OR6P1: variants seen among roughly 807,000 people sequenced by gnomAD.
The protein encoded by OR6P1 is olfactory receptor family 6 subfamily P member 1, also known as olfactory receptor 6P1.
OR6P1 carries 5 observed loss-of-function variants against 6.6 expected under a neutral mutation model. The observed-to-expected ratio is 0.76, with a 90% CI of 0.40 to 1.60. The LOEUF is 1.60. Ranked by LOEUF, OR6P1 falls within the 40% of genes most tolerant of loss-of-function variation. OR6P1 has a pLI of 0.02. For synonymous variants in OR6P1, 177 were observed against 149.6 expected (o/e 1.18, Z -1.33); for missense variants, 451 against 383.0 (o/e 1.18, Z -1.48).
At chr1:158,568,299 C>T (rs1648149759) in intron 1 of OR6P1, among the ~76,000 whole-genome samples, 1 of 152,140 alleles carries the variant, frequency 6.6e-6, no homozygotes, top group Non-Finnish European at 1.5e-5. Flanking sequence ...TTTGTTCTTT[C>T]TTTTTGTTTC....
chr1:158,565,023 G>A (rs1237223465), intron 2 of OR6P1, among the ~76,000 whole-genome samples: 1 of 152,134 alleles, frequency 6.6e-6, no homozygotes, highest in Admixed American at 6.6e-5. Flanking sequence ...CTTAAAAAAT[G>A]ATATACTAAT....
chr1:158,563,591 C>T lies in OR6P1; in HGVS notation c.14G>A (p.Ser5Asn), dbSNP rs187277536. The T allele has an allele frequency of 6.5e-7, 1 of 1,539,346 alleles. No individual in the cohort carries two copies. The highest frequency in any genetic ancestry group is 8.7e-7 in the Non-Finnish European group (1 of 1,143,574). Residue 5 changes from serine (S) to asparagine (N), a missense_variant, in exon 3 of 3, where the codon AGT becomes AAT. By Grantham distance (46) the Ser-to-Asn change is conservative (BLOSUM62 1). Transcript: ENST00000641540. MRNL[S>N]GGHVEEFVLV... The stretch of plus-strand genomic sequence containing the variant: ...GACAAACTCCTCGACATGGCCTCCA[C>T]TCAAATTTCTCATGGCTCTCTGTCC...
At chr1:158,569,792 G>A (rs1648194555) in intron 1 of OR6P1, among the ~76,000 whole-genome samples, 2 of 152,214 alleles carry the variant, frequency 1.3e-5, no homozygotes, top group Non-Finnish European at 1.5e-5. Flanking sequence ...TGCAGAAGTG[G>A]AATAAACTTT....
chr1:158,566,865 A>C lies in OR6P1; in HGVS notation c.-117-7T>G, dbSNP rs1418802486. 6.6e-6 allele frequency: 1 copy of C among 152,178 alleles called. No individual in the cohort carries two copies. Among genetic ancestry groups the C allele is most frequent in the African/African-American group, 2.4e-5 (1 of 41,448 alleles). The allele number at this position is 152,178 out of a possible 1,614,324, so 9.4% of individuals were successfully genotyped here. On this transcript the variant is annotated splice_polypyrimidine_tract_variant and splice_region_variant and intron_variant, in intron 1 of 2. Coordinates refer to ENST00000641540, the MANE Select transcript of OR6P1 (RefSeq NM_001160325.2). Reference sequence around the variant, plus strand: ...ATCAGCGTCAACAGGCAACCTACAGAATGGGAGAAAATTTTTGCAATCCAC... The same window carrying C: ...ATCAGCGTCAACAGGCAACCTACAGCATGGGAGAAAATTTTTGCAATCCAC...
rs1425796193 is a variant in OR6P1, at chr1:158,562,614, T to A, written c.*37A>T. 5.0e-6 allele frequency: 6 copies of A among 1,201,902 alleles called. No individual in the cohort carries two copies. Among genetic ancestry groups the A allele is most frequent in the Non-Finnish European group, 7.2e-6 (6 of 829,364 alleles). 74.5% of individuals were successfully genotyped at this position (1,201,902 alleles called of 1,614,324 possible). A position where few individuals can be genotyped will look rare whatever the true frequency, so the allele number is the denominator to read the frequency against. On this transcript the variant is annotated 3_prime_UTR_variant, in exon 3 of 3. Coordinates refer to ENST00000641540, the MANE Select transcript of OR6P1 (RefSeq NM_001160325.2). ...ATTCCTTGAGGAGGCCCTATTAAGATTCTGCTATTTTCACCTCTCCCAAGA... is the reference window on the plus strand; with the variant it reads ...ATTCCTTGAGGAGGCCCTATTAAGAATCTGCTATTTTCACCTCTCCCAAGA...
rs1240440659 is a variant in OR6P1, at chr1:158,560,744, T to C, written c.*1907A>G. On this transcript the variant is annotated 3_prime_UTR_variant, in exon 3 of 3. Transcript: ENST00000641540. ...GCAGAGTCCACCTTAACTTGGAATTTTCAAGCCCTGTAAGAGCCTATATCA... is the reference window on the plus strand; with the variant it reads ...GCAGAGTCCACCTTAACTTGGAATTCTCAAGCCCTGTAAGAGCCTATATCA... 1 of 152,186 alleles carries C rather than the reference T, an allele frequency of 6.6e-6. No individual in the cohort carries two copies. The highest frequency in any genetic ancestry group is 1.5e-5 in the Non-Finnish European group (1 of 68,034). The allele number at this position is 152,186 out of a possible 1,614,324, so 9.4% of individuals were successfully genotyped here.
At position 158,563,620 on chromosome 1, in the gene OR6P1, T is replaced by C. The variant is rs778319085; in HGVS notation, c.-16A>G. ...AATTTCTCATGGCTCTCTGTCCACT[T>C]GAGTGCCTAAAATAAATCACAGGAA... On this transcript the variant is annotated 5_prime_UTR_variant, in exon 3 of 3. Coordinates refer to ENST00000641540, the MANE Select transcript of OR6P1 (RefSeq NM_001160325.2). 1.4e-6 allele frequency: 2 copies of C among 1,463,702 alleles called. No individual in the cohort carries two copies. Among genetic ancestry groups the C allele is most frequent in the Non-Finnish European group, 1.8e-6 (2 of 1,085,778 alleles). 90.7% of individuals were successfully genotyped at this position (1,463,702 alleles called of 1,614,324 possible).
chr1:158,570,353 T>G (rs1289672833), intron 1 of OR6P1, 89 bp downstream of exon 1: 1 of 152,216 alleles, frequency 6.6e-6, no homozygotes, highest in Non-Finnish European at 1.5e-5. Context: ...TTTAAGCACA[T>G]TTTATATCTC....
At chr1:158,569,117 C>A (rs1648178132) in intron 1 of OR6P1, among the ~76,000 whole-genome samples, 1 of 152,114 alleles carries the variant, frequency 6.6e-6, no homozygotes, top group African/African-American at 2.4e-5. Context: ...ATTTGTCATT[C>A]CTACTTCACT....
Position 158,563,275 on chromosome 1 carries a change from A to C in OR6P1, c.330T>G (p.Thr110=). 6.4e-7 allele frequency: 1 copy of C among 1,551,670 alleles called. No homozygotes were observed. The highest frequency in any genetic ancestry group is 8.7e-7 in the Non-Finnish European group (1 of 1,146,998). The change falls in exon 3 of 3, where the codon ACT becomes ACG. Residue 110 remains threonine, a synonymous_variant. Coordinates refer to ENST00000641540, the MANE Select transcript of OR6P1 (RefSeq NM_001160325.2). ...CCATAACTGCCAACAGCACACATTC[A>C]GTACAGGCTAAGGCAATAAAGAAGT... is the stretch of plus-strand genomic sequence containing the variant. ...QLYFFIALAC[T]ECVLLAVMAY...
chr1:158,563,763 G>A (rs917501596), intron 2 of OR6P1, 137 bp from the exon 3 acceptor site: 8 of 571,618 alleles, frequency 1.4e-5, no homozygotes, highest in African/African-American at 1.2e-4. Context: ...TCACTTTGCT[G>A]TTTTTTCTCT....
intron 2 of OR6P1, 28 bp from the exon 3 acceptor site, chr1:158,563,654 G>T: frequency 8.1e-7 from 1 of 1,235,618 alleles, no homozygotes; most frequent in Non-Finnish European, 1.1e-6. Flanking sequence ...AAGAACAAGA[G>T]GTTTGAAAGA....
chr1:158,564,698 G>GGATT (rs1648053697), intron 2 of OR6P1, among the ~76,000 whole-genome samples: 1 of 152,118 alleles, frequency 6.6e-6, no homozygotes, highest in African/African-American at 2.4e-5. Flanking sequence ...TACTGATTTT[G>GGATT]GATTTCTGGC....
At chr1:158,563,956 C>T (rs1648034737) in intron 2 of OR6P1, among the ~76,000 whole-genome samples, 2 of 152,104 alleles carry the variant, frequency 1.3e-5, no homozygotes, top group Admixed American at 6.5e-5. Flanking sequence ...CTCCTAAGCC[C>T]ACAGCACCTT....
chr1:158,568,873 C>A (rs863351), intron 1 of OR6P1, among the ~76,000 whole-genome samples: 71,578 of 151,932 alleles, frequency 0.47, 16,927 homozygotes, highest in East Asian at 0.58. Flanking sequence ...AGCTATGTAC[C>A]TTCCTGGATT....
intron 1 of OR6P1, among the ~76,000 whole-genome samples, chr1:158,567,669 G>A (rs1301777957): frequency 2.7e-5 from 4 of 149,048 alleles, no homozygotes; most frequent in Non-Finnish European, 5.9e-5. Context: ...GGGAGGGATA[G>A]CATTGGGAGA....
rs1213737558 is a variant in OR6P1, at chr1:158,563,265, GCA to G, written c.338_339del (p.Val113AlafsTer8). ...FFIALACTEC[V>X]LLAVMAYDRY... ...CGATCATAGGCCATAACTGCCAACA[GCA>G]CACATTCAGTACAGGCTAAGGCAAT... On this transcript the variant is annotated frameshift_variant, in exon 3 of 3. Transcript: ENST00000641540. LOFTEE classifies it high-confidence loss of function. 3 of 1,551,524 alleles carry G rather than the reference GCA, an allele frequency of 1.9e-6. No homozygotes were observed. In the African/African-American group the frequency reaches 4.1e-5, roughly 21 times the overall value.
At chr1:158,570,390 A>G (rs1461900718) in intron 1 of OR6P1, 52 bp downstream of exon 1, 1 of 152,236 alleles carries the variant, frequency 6.6e-6, no homozygotes, top group African/African-American at 2.4e-5. Context: ...TTTCAGGATT[A>G]TACGGAATTG....
At chr1:158,568,984 A>G (rs1263202598) in intron 1 of OR6P1, among the ~76,000 whole-genome samples, 1 of 152,210 alleles carries the variant, frequency 6.6e-6, no homozygotes, top group Non-Finnish European at 1.5e-5. Flanking sequence ...CAAATTAGTT[A>G]AGAAATAAAT....
Sources: gnomAD v4.1 joint callset for allele counts (sites outside exome capture counted in the v4.1 genomes callset) on GRCh38, gnomAD v4.1.1 for gene constraint, MANE v1.5 for transcripts, NCBI Gene and HGNC (gene_info 2026-07-23, HGNC 2026-07-21) for gene names.